NUP210L: variants seen among roughly 807,000 people sequenced by gnomAD.
NUP210L encodes the protein nuclear pore membrane glycoprotein 210-like.
NUP210L carries 74 observed loss-of-function variants against 208.5 expected under a neutral mutation model. That is an observed-to-expected ratio of 0.35 (90% CI 0.29 to 0.43). The LOEUF (loss-of-function observed/expected upper bound fraction) is 0.43. Ranked by LOEUF, NUP210L falls within the 20% of genes least tolerant of loss-of-function variation. The pLI is 1.00. For missense variants in NUP210L, 1,843 were observed against 2,289.4 expected (o/e 0.81, Z 3.98); for synonymous variants, 780 against 816.9 (o/e 0.95, Z 0.77).
At chr1:154,038,751 G>A (rs1652700396) in intron 27 of NUP210L, among the ~76,000 whole-genome samples, 1 of 152,132 alleles carries the variant, frequency 6.6e-6, no homozygotes, top group African/African-American at 2.4e-5. Flanking sequence ...GTGAGCCAAC[G>A]TGCCTGGCTT....
chr1:154,112,162 T>TAG lies in NUP210L; in HGVS notation c.1620+5562_1620+5563insCT, dbSNP rs1450036072. ...CAGGATGGTCTTGATCTCTTGACCT[T>TAG]GTGATCTGCCTGCCTCAGCCTCTCA... On this transcript the variant is annotated intron_variant, in intron 12 of 39. Transcript: ENST00000368559. 7.8e-3 allele frequency among the ~76,000 whole-genome samples: 1,166 copies of TAG among 150,246 alleles called. 16 individuals carry two copies. Among genetic ancestry groups the TAG allele is most frequent in the African/African-American group, 0.029 (1,139 of 39,656 alleles).
intron 28 of NUP210L, 37 bp from the exon 29 acceptor site, chr1:154,027,634 G>T: frequency 7.3e-7 from 1 of 1,364,636 alleles, no homozygotes; most frequent in Non-Finnish European, 1.0e-6. Context: ...TTTTGGCAAA[G>T]ACAAATTATG....
intron 19 of NUP210L, 28 bp downstream of exon 19, chr1:154,060,914 C>A: frequency 7.1e-7 from 1 of 1,407,156 alleles, no homozygotes; most frequent in South Asian, 1.2e-5. Flanking sequence ...AATATGATTC[C>A]ATTTAACTAG....
At chr1:154,018,857 G>T in intron 33 of NUP210L, 76 bp downstream of exon 33, 1 of 1,495,430 alleles carries the variant, frequency 6.7e-7, no homozygotes, top group Non-Finnish European at 9.1e-7. Flanking sequence ...TTCCTAAGAT[G>T]TATTTTCTCT....
exon 17 of NUP210L, chr1:154,070,356 T>C: frequency 6.2e-7 from 1 of 1,613,756 alleles, no homozygotes; most frequent in Non-Finnish European, 8.5e-7. Context: ...TAGTGTTTCA[T>C]TGGAGGATTT....
intron 24 of NUP210L, 116 bp from the exon 25 acceptor site, chr1:154,054,523 C>G (rs1310468643): frequency 3.2e-6 from 3 of 924,212 alleles, no homozygotes; most frequent in African/African-American, 3.3e-5. Context: ...TCTTGAACAA[C>G]ATATCCCATA....
chr1:154,152,936 T>C, intron 1 of NUP210L, 64 bp from the exon 2 acceptor site: 2 of 1,446,334 alleles, frequency 1.4e-6, no homozygotes, highest in Middle Eastern at 3.5e-4. Context: ...TAGTGGAACA[T>C]AGATTCTCAC....
intron 25 of NUP210L, among the ~76,000 whole-genome samples, chr1:154,053,583 G>A (rs564930430): frequency 4.6e-5 from 7 of 152,278 alleles, no homozygotes; most frequent in African/African-American, 1.2e-4. Context: ...CACCCAGGGC[G>A]GAAAACCACT....
intron 17 of NUP210L, among the ~76,000 whole-genome samples, chr1:154,064,021 G>C (rs946301530): frequency 3.4e-5 from 5 of 149,058 alleles, no homozygotes; most frequent in African/African-American, 4.9e-5. Context: ...TATATAACAC[G>C]TCTACATATT....
intron 35 of NUP210L, among the ~76,000 whole-genome samples, chr1:154,006,817 CATATAT>C (rs376666558): frequency 2.6e-5 from 3 of 114,688 alleles, no homozygotes; most frequent in African/African-American, 6.6e-5. Context: ...CTTACCATGC[CATATAT>C]ATATATATAT....
chr1:154,058,458 A>G, intron 21 of NUP210L, 107 bp downstream of exon 21: 1 of 1,263,908 alleles, frequency 7.9e-7, no homozygotes, highest in Non-Finnish European at 1.1e-6. Flanking sequence ...ACATTACCAG[A>G]AGTCCTGGTA....
intron 11 of NUP210L, 38 bp downstream of exon 11, chr1:154,118,633 C>T (rs184285479): frequency 2.4e-5 from 32 of 1,311,642 alleles, no homozygotes; most frequent in African/African-American, 1.2e-4. Context: ...TTAGAGAAAC[C>T]GGCTTATCTC....
chr1:154,063,342 T>C (rs886412184), intron 17 of NUP210L, among the ~76,000 whole-genome samples: 1 of 152,180 alleles, frequency 6.6e-6, no homozygotes, highest in African/African-American at 2.4e-5. Context: ...ATATGCAATA[T>C]ATGCAAAGGA....
At chr1:153,999,969 T>C (rs1010972101) in intron 37 of NUP210L, among the ~76,000 whole-genome samples, 4 of 151,430 alleles carry the variant, frequency 2.6e-5, no homozygotes, top group Admixed American at 6.6e-5. Flanking sequence ...GGACCACAGG[T>C]CCATGCCACC....
At chr1:154,092,071 ATTTTT>A (rs764216863) in intron 15 of NUP210L, among the ~76,000 whole-genome samples, 1 of 124,612 alleles carries the variant, frequency 8.0e-6, no homozygotes, top group South Asian at 2.6e-4. Context: ...ATGGGGAGCC[ATTTTT>A]TTTTTTTTTT....
chr1:154,102,012 G>A lies in NUP210L; in HGVS notation c.1820-1869C>T, dbSNP rs1007612163. 2.6e-5 allele frequency among the ~76,000 whole-genome samples: 4 copies of A among 152,142 alleles called. No individual in the cohort carries two copies. The South Asian group carries it at 6.2e-4, about 24-fold the overall frequency. ...TAAAAAATTCAAAAATTAGCCAGGT[G>A]TAGTGGCACGTGCATGTAGTCCCAG... On this transcript the variant is annotated intron_variant, in intron 13 of 39. Coordinates refer to ENST00000368559, the Ensembl canonical transcript of NUP210L.
At chr1:154,140,805 AC>A (rs1210613362) in intron 4 of NUP210L, among the ~76,000 whole-genome samples, 1 of 150,366 alleles carries the variant, frequency 6.7e-6, no homozygotes. Context: ...ACAGAGTGAA[AC>A]CCTGTTCTCT....
exon 32 of NUP210L, chr1:154,022,329 T>C (rs961335309): frequency 3.1e-6 from 5 of 1,613,782 alleles, no homozygotes; most frequent in Non-Finnish European, 2.5e-6. Context: ...TGGTCCAATA[T>C]GCAGCAAGTC....
chr1:154,022,347 C>A lies in NUP210L; in HGVS notation c.4299-4G>T. The A allele has an allele frequency of 6.2e-7, 1 of 1,609,252 alleles. No homozygotes were observed. Among genetic ancestry groups the A allele is most frequent in the Non-Finnish European group, 8.5e-7 (1 of 1,175,662 alleles). On this transcript the variant is annotated splice_region_variant and splice_polypyrimidine_tract_variant and intron_variant, in intron 31 of 39. Coordinates refer to ENST00000368559, the Ensembl canonical transcript of NUP210L. ...TCCAATATGCAGCAAGTCATCTCTG[C>A]AAGTAGACATTAAAGGTAGAAATCT...
Sources: gnomAD v4.1 joint callset for allele counts (sites outside exome capture counted in the v4.1 genomes callset) on GRCh38, gnomAD v4.1.1 for gene constraint, MANE v1.5 for transcripts, NCBI Gene and HGNC (gene_info 2026-07-23, HGNC 2026-07-21) for gene names.